CHSY1: variants seen among roughly 807,000 people sequenced by gnomAD.
CHSY1 encodes chondroitin sulfate synthase 1.
A neutral mutation model predicts 59.8 loss-of-function variants in CHSY1; 13 were observed. The observed-to-expected ratio is 0.22, with a 90% CI of 0.14 to 0.35. The LOEUF is 0.35. CHSY1 is among the 10% of genes least tolerant of loss of function. The pLI is 1.00. For synonymous variants in CHSY1, 459 were observed against 401.2 expected (o/e 1.14, Z -1.72); for missense variants, 947 against 1,030.6 (o/e 0.92, Z 1.11).
At chr15:101,227,128 G>A (rs923633444) in intron 2 of CHSY1, among the ~76,000 whole-genome samples, 1 of 152,124 alleles carries the variant, frequency 6.6e-6, no homozygotes, top group Non-Finnish European at 1.5e-5. Context: ...AGTAAGCTTG[G>A]TGGCATTTTA....
At position 101,177,094 on chromosome 15, in the gene CHSY1, G is replaced by C. The variant is rs1348066993; in HGVS notation, c.*294C>G. The stretch of plus-strand genomic sequence containing the variant: ...AGGAATGTTCACGTTTTCTGCCATA[G>C]GACTGGAGCAAAGGGTCTCAAAAGA... On this transcript the variant is annotated 3_prime_UTR_variant, in exon 3 of 3. Transcript: ENST00000254190. 3 of 285,130 alleles carry C rather than the reference G, an allele frequency of 1.1e-5. No homozygotes were observed. The highest frequency in any genetic ancestry group is 2.0e-5 in the Non-Finnish European group (3 of 151,442). The allele number at this position is 285,130 out of a possible 1,614,324, so 17.7% of individuals were successfully genotyped here.
rs1171909676 is a variant in CHSY1, at chr15:101,251,412, C to A, written c.45G>T (p.Gly15=). 2 of 1,145,100 alleles carry A rather than the reference C, an allele frequency of 1.7e-6. No individual in the cohort carries two copies. Among genetic ancestry groups the A allele is most frequent in the Admixed American group, 3.2e-5 (1 of 31,230 alleles). 70.9% of individuals were successfully genotyped at this position (1,145,100 alleles called of 1,614,324 possible). ...GRRAWLSVLL[G]LVLGFVLASR... ...AGGCCAGCACGAAGCCCAGGACGAG[C>A]CCGAGCAGCACGCTGAGCCAGGCGC... Residue 15 remains glycine (G), a synonymous_variant, in exon 1 of 3, where the codon GGG becomes GGT. Coordinates refer to ENST00000254190, the MANE Select transcript of CHSY1 (RefSeq NM_014918.5).
At chr15:101,202,450 G>A (rs1405231548) in intron 2 of CHSY1, among the ~76,000 whole-genome samples, 1 of 75,382 alleles carries the variant, frequency 1.3e-5, no homozygotes, top group African/African-American at 8.3e-5. Flanking sequence ...AGAGGCTGCA[G>A]GGAAGGATGG....
intron 2 of CHSY1, among the ~76,000 whole-genome samples, chr15:101,200,759 C>G (rs1332134567): frequency 2.0e-5 from 3 of 152,166 alleles, no homozygotes; most frequent in African/African-American, 7.2e-5. Flanking sequence ...CCAGCCTCAC[C>G]TTGCTCTGAA....
At chr15:101,181,548 G>A (rs1261783717) in intron 2 of CHSY1, among the ~76,000 whole-genome samples, 1 of 152,186 alleles carries the variant, frequency 6.6e-6, no homozygotes, top group Non-Finnish European at 1.5e-5. Flanking sequence ...GGAAGCTCGT[G>A]CTGCCAATTC....
At chr15:101,227,186 C>T (rs987170059) in intron 2 of CHSY1, among the ~76,000 whole-genome samples, 2 of 152,186 alleles carry the variant, frequency 1.3e-5, no homozygotes, top group Non-Finnish European at 2.9e-5. Context: ...TGAAAAACAA[C>T]AGTCTACAAT....
At chr15:101,191,254 A>T (rs1205045966) in intron 2 of CHSY1, among the ~76,000 whole-genome samples, 11 of 152,388 alleles carry the variant, frequency 7.2e-5, no homozygotes, top group Non-Finnish European at 4.4e-5. Flanking sequence ...TGAACTATCA[A>T]ATCATGAAAA....
intron 1 of CHSY1, among the ~76,000 whole-genome samples, chr15:101,236,442 T>C (rs537057956): frequency 1.3e-5 from 2 of 152,116 alleles, no homozygotes; most frequent in Admixed American, 1.3e-4. Context: ...CATTCTCTCT[T>C]GTCTGCCACC....
intron 2 of CHSY1, among the ~76,000 whole-genome samples, chr15:101,192,259 C>T (rs2038454440): frequency 2.0e-5 from 3 of 152,148 alleles, no homozygotes; most frequent in Non-Finnish European, 4.4e-5. Context: ...ATCTCGTTTA[C>T]AGGTAAGGAC....
intron 2 of CHSY1, among the ~76,000 whole-genome samples, chr15:101,213,971 A>G (rs1447768673): frequency 6.6e-6 from 1 of 152,224 alleles, no homozygotes; most frequent in Non-Finnish European, 1.5e-5. Flanking sequence ...TCCAATGAAA[A>G]CTGGCTCCTT....
At chr15:101,215,615 G>C (rs2038724326) in intron 2 of CHSY1, among the ~76,000 whole-genome samples, 1 of 152,180 alleles carries the variant, frequency 6.6e-6, no homozygotes. Context: ...CATGCCTGTA[G>C]TCCCGGCTAC....
intron 2 of CHSY1, among the ~76,000 whole-genome samples, chr15:101,209,904 G>A (rs1220682291): frequency 6.6e-6 from 1 of 152,138 alleles, no homozygotes; most frequent in Admixed American, 6.5e-5. Flanking sequence ...GTTCAACACA[G>A]AAAGTATACA....
At chr15:101,186,839 C>G (rs947643598) in intron 2 of CHSY1, 3 of 151,002 alleles carry the variant, frequency 2.0e-5, no homozygotes, top group Admixed American at 2.0e-4. Context: ...AAAACAAAAA[C>G]AGACAAAAAA....
chr15:101,233,209 GC>G (rs1567105379), intron 2 of CHSY1, among the ~76,000 whole-genome samples: 1 of 152,180 alleles, frequency 6.6e-6, no homozygotes, highest in East Asian at 1.9e-4. Context: ...CCACCCTGCA[GC>G]CCCAGGATGA....
At position 101,190,033 on chromosome 15, in the gene CHSY1, G is replaced by A. The variant is rs143132189; in HGVS notation, c.817-11053C>T. Among the ~76,000 whole-genome samples the A allele has an allele frequency of 2.1e-3, 324 of 152,278 alleles. 3 individuals are homozygous for A. The highest frequency in any genetic ancestry group is 6.8e-3 in the Middle Eastern group (2 of 294). ...TCTGTCATTACACAGTGTTGAGTGC[G>A]GTGGGGTTAAATGCCACAGGTTTGG... On this transcript the variant is annotated intron_variant, in intron 2 of 2. Transcript: ENST00000254190.
At chr15:101,209,343 G>A (rs2038660079) in intron 2 of CHSY1, among the ~76,000 whole-genome samples, 1 of 152,188 alleles carries the variant, frequency 6.6e-6, no homozygotes, top group Non-Finnish European at 1.5e-5. Flanking sequence ...ATCAAGAAAA[G>A]GATGGAGACC....
At chr15:101,231,988 G>A (rs1203722531) in intron 2 of CHSY1, among the ~76,000 whole-genome samples, 1 of 152,154 alleles carries the variant, frequency 6.6e-6, no homozygotes, top group Non-Finnish European at 1.5e-5. Context: ...TGACTTCTCT[G>A]TGAGTTTAAC....
intron 2 of CHSY1, among the ~76,000 whole-genome samples, 190 bp from the exon 3 acceptor site, chr15:101,179,170 G>A (rs1415815971): frequency 6.6e-6 from 1 of 152,208 alleles, no homozygotes; most frequent in Non-Finnish European, 1.5e-5. Flanking sequence ...GCTTAAGGAA[G>A]TAAGGGTTAA....
rs1054078127 is a variant in CHSY1, at chr15:101,178,099, C to G, written c.1698G>C (p.Lys566Asn). The change falls in exon 3 of 3, where the codon AAG becomes AAC. Residue 566 changes from lysine to asparagine, a missense_variant. By Grantham distance (94) the Lys-to-Asn change is moderately conservative (BLOSUM62 0). This residue lies in a region of CHSY1 where 602 missense variants were observed against 676.9 expected (regional missense o/e 0.89). Coordinates refer to ENST00000254190, the MANE Select transcript of CHSY1 (RefSeq NM_014918.5). ...CAGAATTGAAAAGCAGAACCACGAG[C>G]TTGACGTTCTGATTGGGGATAAGAC... ...KTCLIPNQNV[K>N]LVVLLFNSDS... 1.5e-5 allele frequency: 25 copies of G among 1,614,204 alleles called. No individual in the cohort carries two copies. Among genetic ancestry groups the G allele is most frequent in the Middle Eastern group, 1.6e-4 (1 of 6,062 alleles).
Sources: allele counts gnomAD v4.1 joint callset (sites outside exome capture counted in the v4.1 genomes callset), GRCh38; gene constraint gnomAD v4.1.1; regional missense constraint gnomAD v4.1.1; transcripts MANE v1.5; gene names NCBI Gene and HGNC (gene_info 2026-07-23, HGNC 2026-07-21).